The following NUBPL variants were observed in gnomAD, a reference collection of about 807,000 sequenced individuals.
NUBPL encodes the protein iron-sulfur cluster transfer protein NUBPL.
A neutral mutation model predicts 45.7 loss-of-function variants in NUBPL; 31 were observed. The observed-to-expected ratio is 0.68, with a 90% CI of 0.51 to 0.92. The LOEUF (loss-of-function observed/expected upper bound fraction) is 0.92, where lower values mean the gene tolerates loss of function less well. Ranked by LOEUF, NUBPL falls within the 40% of genes least tolerant of loss-of-function variation. The pLI is 0.00. For missense variants in NUBPL, 401 were observed against 398.7 expected, an observed-to-expected ratio of 1.01 and a Z score of -0.05; for synonymous variants, 144 against 140.9, an observed-to-expected ratio of 1.02 and a Z score of -0.15.
intron 6 of NUBPL, among the ~76,000 whole-genome samples, chr14:31,752,613 A>G (rs4619303): frequency 0.46 from 70,521 of 152,046 alleles, 17,680 homozygotes; most frequent in African/African-American, 0.67. Flanking sequence ...TCTCTAAGAT[A>G]TTCCAAAGTT....
intron 6 of NUBPL, among the ~76,000 whole-genome samples, chr14:31,766,577 C>G (rs549828647): frequency 3.9e-5 from 6 of 152,208 alleles, no homozygotes; most frequent in Admixed American, 1.3e-4. Flanking sequence ...ATAGTAATAC[C>G]CATTTACTAT....
At chr14:31,691,962 A>T (rs2037103656) in intron 6 of NUBPL, among the ~76,000 whole-genome samples, 2 of 152,184 alleles carry the variant, frequency 1.3e-5, no homozygotes, top group South Asian at 4.1e-4. Flanking sequence ...GAAAAGATTG[A>T]TGGATAAATA....
At chr14:31,834,478 C>T (rs540124673) in intron 8 of NUBPL, among the ~76,000 whole-genome samples, 14 of 152,146 alleles carry the variant, frequency 9.2e-5, no homozygotes, top group South Asian at 2.1e-4. Context: ...TGCGCCTGGC[C>T]GGTCTGGAAC....
intron 7 of NUBPL, among the ~76,000 whole-genome samples, chr14:31,802,161 ATTAGTTC>A (rs1244140974): frequency 6.6e-6 from 1 of 152,208 alleles, no homozygotes; most frequent in Non-Finnish European, 1.5e-5. Context: ...AAGGGAGTTA[ATTAGTTC>A]TTACAGGAGG....
intron 6 of NUBPL, among the ~76,000 whole-genome samples, chr14:31,687,734 G>A (rs1176356315): frequency 6.6e-6 from 1 of 152,144 alleles, no homozygotes; most frequent in Non-Finnish European, 1.5e-5. Flanking sequence ...ACATAATACC[G>A]TGAACCTTGA....
intron 7 of NUBPL, among the ~76,000 whole-genome samples, chr14:31,825,795 TTTC>T (rs1400705059): frequency 7.3e-6 from 1 of 137,678 alleles, no homozygotes; most frequent in Non-Finnish European, 1.5e-5. Context: ...TCTTTCTTCA[TTTC>T]TTCTTCTCCT....
chr14:31,702,859 A>T (rs1204482340), intron 6 of NUBPL, among the ~76,000 whole-genome samples: 3 of 152,228 alleles, frequency 2.0e-5, no homozygotes, highest in Non-Finnish European at 4.4e-5. Context: ...CCATTCTCCT[A>T]AACCTAAACA....
In NUBPL at chr14:31,826,624, G is replaced by A; in HGVS notation, c.608-5G>A. ...GATAATAGTATTTTGTTTATCTTTG[G>A]CTAGGTGCTGTGATTGTCTCCACGC... On this transcript the variant is annotated splice_polypyrimidine_tract_variant and splice_region_variant and intron_variant, in intron 7 of 10. Transcript: ENST00000281081. The A allele has an allele frequency of 6.2e-7, 1 of 1,613,358 alleles. No individual in the cohort carries two copies. The highest frequency in any genetic ancestry group is 8.5e-7 in the Non-Finnish European group (1 of 1,179,340).
At chr14:31,617,685 T>G (rs1255481789) in intron 4 of NUBPL, among the ~76,000 whole-genome samples, 1 of 152,218 alleles carries the variant, frequency 6.6e-6, no homozygotes, top group Non-Finnish European at 1.5e-5. Context: ...TGCCAGTATT[T>G]TACTGAGGAA....
chr14:31,622,642 T>TA (rs2035095222), intron 4 of NUBPL, among the ~76,000 whole-genome samples: 1 of 152,224 alleles, frequency 6.6e-6, no homozygotes, highest in African/African-American at 2.4e-5. Flanking sequence ...GCTCAGGCCA[T>TA]TCTTTCAGAG....
chr14:31,717,789 A>AAAAT (rs1555331335), intron 6 of NUBPL, among the ~76,000 whole-genome samples: 1 of 151,618 alleles, frequency 6.6e-6, no homozygotes, highest in Non-Finnish European at 1.5e-5. Flanking sequence ...TAAAAAAAAA[A>AAAAT]AATGGTATTT....
intron 6 of NUBPL, among the ~76,000 whole-genome samples, chr14:31,739,362 G>A (rs532643991): frequency 2.0e-5 from 3 of 151,404 alleles, no homozygotes; most frequent in Admixed American, 6.6e-5. Flanking sequence ...TGGGATTACA[G>A]GCATGAGCCA....
chr14:31,586,698 G>T (rs1009399370), intron 3 of NUBPL, among the ~76,000 whole-genome samples: 6 of 152,134 alleles, frequency 3.9e-5, no homozygotes, highest in African/African-American at 1.2e-4. Flanking sequence ...TCTTTTAGCT[G>T]CAAGGAAGAC....
intron 7 of NUBPL, among the ~76,000 whole-genome samples, chr14:31,817,211 A>G (rs1283223057): frequency 6.6e-6 from 1 of 152,198 alleles, no homozygotes; most frequent in Non-Finnish European, 1.5e-5. Flanking sequence ...TGTACCTGAA[A>G]GTGACGGTGA....
At chr14:31,709,774 G>C (rs2037530066) in intron 6 of NUBPL, among the ~76,000 whole-genome samples, 1 of 152,166 alleles carries the variant, frequency 6.6e-6, no homozygotes, top group Admixed American at 6.5e-5. Flanking sequence ...CAGCTTGAAG[G>C]GGACATAACC....
intron 6 of NUBPL, among the ~76,000 whole-genome samples, chr14:31,712,458 GA>G (rs1387214810): frequency 6.6e-6 from 1 of 152,218 alleles, no homozygotes; most frequent in Non-Finnish European, 1.5e-5. Flanking sequence ...TGCCCACCCA[GA>G]ACCTGTGCCA....
intron 3 of NUBPL, among the ~76,000 whole-genome samples, chr14:31,569,011 T>G (rs2033511370): frequency 6.6e-6 from 1 of 152,220 alleles, no homozygotes; most frequent in African/African-American, 2.4e-5. Flanking sequence ...AGCTCTAATA[T>G]AATGTATAAA....
intron 7 of NUBPL, among the ~76,000 whole-genome samples, chr14:31,791,909 G>T (rs560309310): frequency 3.9e-5 from 6 of 152,110 alleles, no homozygotes; most frequent in Non-Finnish European, 8.8e-5. Context: ...GTACCGCGGC[G>T]ATTGCCTGTT....
chr14:31,611,900 T>A (rs1217805485), intron 4 of NUBPL, among the ~76,000 whole-genome samples: 1 of 152,172 alleles, frequency 6.6e-6, no homozygotes, highest in African/African-American at 2.4e-5. Context: ...CCCCTATCTC[T>A]CACCATATGC....
Sources: allele counts gnomAD v4.1 joint callset (sites outside exome capture counted in the v4.1 genomes callset), GRCh38; gene constraint gnomAD v4.1.1; transcripts MANE v1.5; gene names NCBI Gene and HGNC (gene_info 2026-07-23, HGNC 2026-07-21).